Variants in SERPINB7 observed in about 807,000 individuals in gnomAD.
The protein encoded by SERPINB7 is serpin B7.
In SERPINB7, 31 loss-of-function variants were observed where a neutral mutation model predicts 37.4. The observed-to-expected ratio is 0.83, with a 90% CI of 0.62 to 1.12. The LOEUF is 1.12. Ranked by LOEUF, SERPINB7 falls within the 50% of genes most tolerant of loss-of-function variation. The pLI is 0.00. For missense variants in SERPINB7, 521 were observed against 455.3 expected (o/e 1.14, Z -1.31); for synonymous variants, 163 against 166.1 (o/e 0.98, Z 0.14).
At chr18:63,770,717 A>G (rs1415754508), upstream of SERPINB7, among the ~76,000 whole-genome samples, 1 of 152,036 alleles carries the variant, frequency 6.6e-6, no homozygotes. Flanking sequence ...TTTGTGACTT[A>G]TATGTGATGA....
chr18:63,763,962 C>T (rs1201085673), intron 1 of SERPINB7, among the ~76,000 whole-genome samples: 2 of 152,188 alleles, frequency 1.3e-5, no homozygotes, highest in Non-Finnish European at 2.9e-5. Flanking sequence ...ACCTGTGTTA[C>T]TAAATGGGTC....
intron 2 of SERPINB7, among the ~76,000 whole-genome samples, chr18:63,785,787 T>C (rs1232150577): frequency 6.6e-6 from 1 of 151,114 alleles, no homozygotes; most frequent in East Asian, 1.9e-4. Flanking sequence ...TTCTTTCTTA[T>C]AGTGTTTGAA....
chr18:63,767,973 T>A (rs867291447), intron 1 of SERPINB7, among the ~76,000 whole-genome samples: 21 of 152,176 alleles, frequency 1.4e-4, no homozygotes, highest in Middle Eastern at 6.8e-3. Context: ...CTAGTGTTTT[T>A]AAAAAAATTC....
chr18:63,798,584 C>A lies in SERPINB7; in HGVS notation c.455-20C>A. 1 of 1,508,946 alleles carries A rather than the reference C, an allele frequency of 6.6e-7. No homozygotes were observed. The highest frequency in any genetic ancestry group is 8.8e-7 in the Non-Finnish European group (1 of 1,134,582). 93.5% of individuals were successfully genotyped at this position (1,508,946 alleles called of 1,614,324 possible). On this transcript the variant is annotated intron_variant, in intron 5 of 7. Transcript: ENST00000398019. ...ATTATATTAAAATAAACATTTTTCC[C>A]TCAATTTTTTTTTCAAAAGGCAAAA... is the stretch of plus-strand genomic sequence containing the variant.
In SERPINB7 at chr18:63,798,626, T is replaced by C. The variant is rs758250736; in HGVS notation, c.477T>C (p.Gly159=). ...AAGGCAAAATCAAGAACGTGATTGG[T>C]GAAGGTGGCATAAGCTCATCTGCTG... ...ETHGKIKNVI[G]EGGISSSAVM... The change falls in exon 6 of 8, where the codon GGT becomes GGC. Residue 159 remains glycine (G), a synonymous_variant. Transcript: ENST00000398019. 1 of 1,580,684 alleles carries C rather than the reference T, an allele frequency of 6.3e-7. No individual in the cohort carries two copies. Among genetic ancestry groups the C allele is most frequent in the South Asian group, 1.2e-5 (1 of 83,072 alleles).
At chr18:63,753,777 T>C (rs1002562901) in intron 1 of SERPINB7, among the ~76,000 whole-genome samples, 9 of 152,150 alleles carry the variant, frequency 5.9e-5, no homozygotes, top group African/African-American at 2.2e-4. Context: ...AGGTTTGAGG[T>C]TTCAAAAAAA....
intron 2 of SERPINB7, among the ~76,000 whole-genome samples, chr18:63,786,070 T>TGTA (rs2049364491): frequency 1.7e-5 from 1 of 57,604 alleles, no homozygotes; most frequent in African/African-American, 6.0e-5. Context: ...TATAATATAC[T>TGTA]TATATATACA....
rs575173119 is a variant in SERPINB7 at position 63,796,445 on chromosome 18, C to G, written c.454+62C>G. ...GTCAGTTATATGTGAATACTGGGAA[C>G]AAAAGCTGGGAGTCTTTTGTACATA... On this transcript the variant is annotated intron_variant, in intron 5 of 7. Coordinates refer to ENST00000398019, the MANE Select transcript of SERPINB7 (RefSeq NM_003784.4). The G allele has an allele frequency of 2.0e-5, 18 of 906,574 alleles. No homozygotes were observed. In the African/African-American group the frequency reaches 2.5e-4, roughly 12 times the overall value. 56.2% of individuals were successfully genotyped at this position (906,574 alleles called of 1,614,324 possible). A position where few individuals can be genotyped will look rare whatever the true frequency, so the allele number is the denominator to read the frequency against.
At chr18:63,753,831 T>C (rs1016477881) in intron 1 of SERPINB7, among the ~76,000 whole-genome samples, 3 of 152,214 alleles carry the variant, frequency 2.0e-5, no homozygotes, top group African/African-American at 7.2e-5. Flanking sequence ...GATAGAATGA[T>C]TCAGAATCAG....
rs1325671518 is a variant in SERPINB7, at chr18:63,792,454, T to C, written c.219+11T>C. 2 of 1,565,492 alleles carry C rather than the reference T, an allele frequency of 1.3e-6. No homozygotes were observed. Among genetic ancestry groups the C allele is most frequent in the South Asian group, 1.1e-5 (1 of 89,298 alleles). On this transcript the variant is annotated intron_variant, in intron 3 of 7. Coordinates refer to ENST00000398019, the MANE Select transcript of SERPINB7 (RefSeq NM_003784.4). ...TCTTCTAATAGTCAGGTAAAGACAA[T>C]ATGTTCTTTTAGAAAAAGAGAAGGT...
At chr18:63,753,440 G>A (rs1943039) in intron 1 of SERPINB7, among the ~76,000 whole-genome samples, 146,215 of 152,150 alleles carry the variant, frequency 0.96, 70,530 homozygotes, top group East Asian at 1. Flanking sequence ...TGAAAAAAAA[G>A]TGCCTACTGA....
At chr18:63,801,774 T>A (rs111620842) in intron 7 of SERPINB7, among the ~76,000 whole-genome samples, 4 of 152,242 alleles carry the variant, frequency 2.6e-5, no homozygotes, top group Non-Finnish European at 5.9e-5. Flanking sequence ...GTGTCAGAAA[T>A]GTAAAAGTCT....
At chr18:63,781,103 A>G (rs1463272477) in intron 1 of SERPINB7, among the ~76,000 whole-genome samples, 2 of 152,192 alleles carry the variant, frequency 1.3e-5, no homozygotes, top group Non-Finnish European at 2.9e-5. Context: ...AGTATTTGCA[A>G]CTGTGACAAA....
intron 2 of SERPINB7, among the ~76,000 whole-genome samples, chr18:63,782,890 G>C (rs2049315475): frequency 6.6e-6 from 1 of 152,050 alleles, no homozygotes; most frequent in Admixed American, 6.5e-5. Context: ...TGTAATCCCA[G>C]CACTTTGGGA....
At chr18:63,800,456 G>T (rs1212549409) in intron 6 of SERPINB7, among the ~76,000 whole-genome samples, 1 of 152,040 alleles carries the variant, frequency 6.6e-6, no homozygotes, top group African/African-American at 2.4e-5. Flanking sequence ...ATGTTATTTA[G>T]TAAATTTTCA....
chr18:63,788,483 A>T (rs1701635), intron 2 of SERPINB7, among the ~76,000 whole-genome samples: 21,052 of 152,250 alleles, frequency 0.14, 2,529 homozygotes, highest in East Asian at 0.48. Context: ...AAATGTTTTT[A>T]AAAAATAAGA....
chr18:63,793,586 G>A (rs1049617891), intron 4 of SERPINB7, among the ~76,000 whole-genome samples: 1 of 152,100 alleles, frequency 6.6e-6, no homozygotes, highest in African/African-American at 2.4e-5. Flanking sequence ...TCCATGGCAG[G>A]AAACACATTC....
intron 1 of SERPINB7, among the ~76,000 whole-genome samples, chr18:63,755,453 C>CT (rs1338371123): frequency 6.6e-6 from 1 of 152,038 alleles, no homozygotes; most frequent in Non-Finnish European, 1.5e-5. Flanking sequence ...TACTGGCCTT[C>CT]TTTTTTCATA....
intron 2 of SERPINB7, among the ~76,000 whole-genome samples, chr18:63,790,170 A>G (rs1298188482): frequency 6.6e-6 from 1 of 152,230 alleles, no homozygotes; most frequent in East Asian, 1.9e-4. Flanking sequence ...TAAGCTTTCC[A>G]GTTTTATTAT....
Sources: gnomAD v4.1 joint callset for allele counts (sites outside exome capture counted in the v4.1 genomes callset) on GRCh38, gnomAD v4.1.1 for gene constraint, MANE v1.5 for transcripts, NCBI Gene and HGNC (gene_info 2026-07-23, HGNC 2026-07-21) for gene names.